TPST1: variants seen among roughly 807,000 people sequenced by gnomAD.
The protein encoded by TPST1 is protein-tyrosine sulfotransferase 1.
Under a neutral mutation model 34.8 loss-of-function variants are expected in TPST1, and 20 were observed. That is an observed-to-expected ratio of 0.57 (90% CI 0.40 to 0.84). The LOEUF (loss-of-function observed/expected upper bound fraction) is 0.84, where lower values mean the gene tolerates loss of function less well. Among genes scored for constraint, TPST1 ranks in the 40% least tolerant of loss-of-function variants. The pLI is 0.00. For missense variants in TPST1, 353 were observed against 455.5 expected (o/e 0.78, Z 2.05); for synonymous variants, 152 against 159.4 (o/e 0.95, Z 0.35).
At chr7:66,260,787 A>G (rs921604155) in intron 2 of TPST1, among the ~76,000 whole-genome samples, 2 of 152,174 alleles carry the variant, frequency 1.3e-5, no homozygotes, top group Non-Finnish European at 2.9e-5. Context: ...GTCTGAAGAA[A>G]TACTTAGTCT....
chr7:66,353,341 G>A (rs1792518842), intron 4 of TPST1, among the ~76,000 whole-genome samples: 1 of 151,770 alleles, frequency 6.6e-6, no homozygotes, highest in African/African-American at 2.4e-5. Flanking sequence ...ATGGTGGCGA[G>A]GCCTCTGGTC....
chr7:66,270,102 G>C (rs1790676198), intron 2 of TPST1, among the ~76,000 whole-genome samples: 2 of 152,092 alleles, frequency 1.3e-5, no homozygotes, highest in Admixed American at 6.6e-5. Context: ...AAGGAGGTGA[G>C]GGAGTTAGCC....
At chr7:66,302,818 G>A in intron 3 of TPST1, among the ~76,000 whole-genome samples, 1 of 152,142 alleles carries the variant, frequency 6.6e-6, no homozygotes. Context: ...TGAGAGCAGT[G>A]GTCTTTTGGG....
intron 3 of TPST1, among the ~76,000 whole-genome samples, chr7:66,306,467 C>G (rs924468017): frequency 6.6e-6 from 1 of 152,202 alleles, no homozygotes; most frequent in African/African-American, 2.4e-5. Flanking sequence ...GACTCCCTGT[C>G]TTTCTTTGGC....
intron 1 of TPST1, among the ~76,000 whole-genome samples, chr7:66,227,942 C>T (rs1789699207): frequency 6.6e-6 from 1 of 152,060 alleles, no homozygotes; most frequent in South Asian, 2.1e-4. Context: ...GATTTAAAAA[C>T]ATGCAAATAA....
At chr7:66,321,165 G>A (rs1791749513) in intron 3 of TPST1, among the ~76,000 whole-genome samples, 1 of 152,254 alleles carries the variant, frequency 6.6e-6, no homozygotes, top group South Asian at 2.1e-4. Flanking sequence ...CATGGGCAAA[G>A]TCTGGAAGGA....
intron 1 of TPST1, among the ~76,000 whole-genome samples, chr7:66,234,550 T>C (rs1331668699): frequency 5.3e-5 from 8 of 152,112 alleles, no homozygotes; most frequent in African/African-American, 1.7e-4. Context: ...GCCTGCAGAA[T>C]TTTTCGTGCT....
intron 3 of TPST1, among the ~76,000 whole-genome samples, chr7:66,296,676 GTTTTTT>G (rs55888171): frequency 1.1e-5 from 1 of 92,140 alleles, no homozygotes; most frequent in Non-Finnish European, 2.0e-5. Context: ...TACTGGGTTG[GTTTTTT>G]TTTTTTTTTT....
chr7:66,242,495 A>G (rs1313470868), intron 2 of TPST1, among the ~76,000 whole-genome samples: 3 of 152,180 alleles, frequency 2.0e-5, no homozygotes, highest in Non-Finnish European at 4.4e-5. Flanking sequence ...CAAGCTTTCA[A>G]TTATTGATTA....
chr7:66,318,106 C>T (rs1014590624), intron 3 of TPST1, among the ~76,000 whole-genome samples: 6 of 152,126 alleles, frequency 3.9e-5, no homozygotes, highest in East Asian at 3.9e-4. Context: ...TACAGCGAGC[C>T]GAGATCATGC....
Position 66,227,028 on chromosome 7 carries a change from C to CTTTTTTTTTTTTTTTTTT in TPST1, c.-101-13291_-101-13274dup, listed in dbSNP as rs546339747. ...TTGGTGTTGGATGCCTTAAAATAAG[C>CTTTTTTTTTTTTTTTTTT]TTTTTTTTTTTTTTTTTTTTTTTGA... On this transcript the variant is annotated intron_variant, in intron 1 of 5. Transcript: ENST00000304842. Among the ~76,000 whole-genome samples the CTTTTTTTTTTTTTTTTTT allele has an allele frequency of 6.2e-4, 43 of 69,204 alleles. 12 individuals carry two copies. Among genetic ancestry groups the CTTTTTTTTTTTTTTTTTT allele is most frequent in the African/African-American group, 2.1e-3 (32 of 14,896 alleles). The allele number at this position is 69,204 out of a possible 152,430, so 45.4% of individuals were successfully genotyped here.
intron 3 of TPST1, among the ~76,000 whole-genome samples, chr7:66,309,941 C>T (rs1336880412): frequency 1.3e-5 from 2 of 151,918 alleles, no homozygotes; most frequent in African/African-American, 4.8e-5. Context: ...AGATGATTGA[C>T]ACTTTTGTAC....
At chr7:66,274,070 T>C (rs568657778) in intron 2 of TPST1, among the ~76,000 whole-genome samples, 40 of 148,982 alleles carry the variant, frequency 2.7e-4, no homozygotes, top group Non-Finnish European at 3.6e-4. Context: ...CTCCTGACCT[T>C]AAGAGACCCA....
intron 4 of TPST1, 22 bp from the exon 5 acceptor site, chr7:66,356,802 AC>A (rs1409382794): frequency 6.2e-7 from 1 of 1,614,122 alleles, no homozygotes; most frequent in Admixed American, 1.7e-5. Flanking sequence ...GGACATTAAA[AC>A]ATCTTTTCTT....
intron 2 of TPST1, among the ~76,000 whole-genome samples, chr7:66,277,873 G>C (rs894885633): frequency 1.3e-5 from 2 of 152,024 alleles, no homozygotes; most frequent in African/African-American, 2.4e-5. Context: ...AATAGGCTGG[G>C]TGGATCACTT....
At chr7:66,251,401 C>T (rs144365994) in intron 2 of TPST1, among the ~76,000 whole-genome samples, 6 of 152,172 alleles carry the variant, frequency 3.9e-5, no homozygotes, top group South Asian at 4.2e-4. Flanking sequence ...TTTTTATTGT[C>T]GAACGCTTAT....
the TPST1 span, among the ~76,000 whole-genome samples, chr7:66,199,413 G>A: frequency 4.0e-5 from 6 of 149,326 alleles, no homozygotes; most frequent in African/African-American, 1.5e-4. Flanking sequence ...TCCTGCCTCA[G>A]CCTCCCGAGT....
chr7:66,239,118 C>G lies in TPST1; in HGVS notation c.-101-1207C>G, dbSNP rs1789972310. Among the ~76,000 whole-genome samples, 3 of 152,230 alleles carry G rather than the reference C, an allele frequency of 2.0e-5. No homozygotes were observed. In the South Asian group the frequency reaches 6.2e-4, roughly 31 times the overall value. On this transcript the variant is annotated intron_variant, in intron 1 of 5. Transcript: ENST00000304842. ...GTTCTGTCTTGCCATTGTGCTTTTG[C>G]ACACAAGTTCCTTTGGTTTAGAATA...
At chr7:66,279,108 C>T (rs935490870) in intron 2 of TPST1, among the ~76,000 whole-genome samples, 9 of 152,114 alleles carry the variant, frequency 5.9e-5, no homozygotes, top group African/African-American at 2.2e-4. Context: ...TAAGTAGGCC[C>T]AAGCGTCTGT....
Sources: gnomAD v4.1 joint callset for allele counts (sites outside exome capture counted in the v4.1 genomes callset) on GRCh38, gnomAD v4.1.1 for gene constraint, MANE v1.5 for transcripts, NCBI Gene and HGNC (gene_info 2026-07-23, HGNC 2026-07-21) for gene names.